LTBP3: variants seen among roughly 807,000 people sequenced by gnomAD.
LTBP3 encodes the protein latent-transforming growth factor beta-binding protein 3.
Under a neutral mutation model 159.7 loss-of-function variants are expected in LTBP3, and 97 were observed. The ratio of observed to expected loss-of-function variants is 0.61; its 90% confidence interval spans 0.52 to 0.72. The LOEUF is 0.72. Ranked by LOEUF, LTBP3 falls within the 30% of genes least tolerant of loss-of-function variation. The probability of loss-of-function intolerance (pLI) is 0.00; values close to 1 mark genes in which losing one functional copy is unlikely to be tolerated. For synonymous variants in LTBP3, 824 were observed against 777.1 expected (o/e 1.06, Z -1.00); for missense variants, 1,584 against 1,864.3 (o/e 0.85, Z 2.77).
rs748295424 is a variant in LTBP3, at chr11:65,538,652, G to C, written c.*428C>G. The C allele has an allele frequency of 6.9e-6, 10 of 1,454,680 alleles. No individual in the cohort carries two copies. Among genetic ancestry groups the C allele is most frequent in the Admixed American group, 2.1e-5 (1 of 47,092 alleles). The allele number at this position is 1,454,680 out of a possible 1,614,324, so 90.1% of individuals were successfully genotyped here. A position where few individuals can be genotyped will look rare whatever the true frequency, so the allele number is the denominator to read the frequency against. The stretch of plus-strand genomic sequence containing the variant: ...AAACCATGTGAGCCCGGCCGGCCCA[G>C]CCAGGCCATCTCACGTGTACATAAT... On this transcript the variant is annotated 3_prime_UTR_variant, in exon 28 of 28. Transcript: ENST00000301873.
At chr11:65,551,098 A>C in intron 11 of LTBP3, 28 bp downstream of exon 11, 1 of 1,539,104 alleles carries the variant, frequency 6.5e-7, no homozygotes, top group Admixed American at 2.0e-5. Context: ...TGGCCTAGGC[A>C]GGGGTGGCTT....
At chr11:65,548,144 G>A in intron 11 of LTBP3, 99 bp from the exon 12 acceptor site, 7 of 1,567,550 alleles carry the variant, frequency 4.5e-6, no homozygotes, top group Non-Finnish European at 6.1e-6. Flanking sequence ...CATGACCTCA[G>A]GTTCCTGTAC....
At chr11:65,556,226 A>G (rs937620827) in intron 1 of LTBP3, among the ~76,000 whole-genome samples, 1 of 152,200 alleles carries the variant, frequency 6.6e-6, no homozygotes, top group African/African-American at 2.4e-5. Flanking sequence ...ACAGGTTCAC[A>G]TAAACATTCC....
In LTBP3 at chr11:65,553,027, G is replaced by A; in HGVS notation, c.1064-45C>T. On this transcript the variant is annotated intron_variant, in intron 5 of 27. Coordinates refer to ENST00000301873, the MANE Select transcript of LTBP3 (RefSeq NM_001130144.3). The surrounding 1 kb of genome is among the most constrained non-coding windows in gnomAD (Gnocchi z 6.5). ...GGCCCCTCTGGTCTGGGGCCATGGG[G>A]TGACAGCAGGCTGCTCCAAGAACCT... is the stretch of plus-strand genomic sequence containing the variant. 1 of 1,613,978 alleles carries A rather than the reference G, an allele frequency of 6.2e-7. No individual in the cohort carries two copies. The highest frequency in any genetic ancestry group is 8.5e-7 in the Non-Finnish European group (1 of 1,179,890).
At position 65,547,417 on chromosome 11, in the gene LTBP3, G is replaced by GCAAAGAAGGA. The variant is rs756629842; in HGVS notation, c.2107+21_2107+22insTCCTTCTTTG. The GCAAAGAAGGA allele has an allele frequency of 3.7e-6, 6 of 1,611,592 alleles. No individual in the cohort carries two copies. The highest frequency in any genetic ancestry group is 3.3e-5 in the Admixed American group (2 of 59,994). On this transcript the variant is annotated intron_variant, in intron 14 of 27. Transcript: ENST00000301873. The surrounding 1 kb of genome is among the most constrained non-coding windows in gnomAD (Gnocchi z 4.6). Reference sequence around the variant, plus strand: ...GAGACAGCTAAGGAGCTCCTTCTTTGGTCTGAATGGGGTCCCCTCACCTTC... The same window carrying GCAAAGAAGGA: ...GAGACAGCTAAGGAGCTCCTTCTTTGCAAAGAAGGAGTCTGAATGGGGTCCCCTCACCTTC...
Position 65,540,417 on chromosome 11 carries a change from GC to G in LTBP3, c.3107-36del, listed in dbSNP as rs763159932. ...GGAAAAGCGTGGGTAGCAGGGGCAG[GC>G]CCGGGATGGGCGCGGTGGCGCGTGT... On this transcript the variant is annotated intron_variant, in intron 22 of 27. Coordinates refer to ENST00000301873, the MANE Select transcript of LTBP3 (RefSeq NM_001130144.3). 3 of 1,607,642 alleles carry G rather than the reference GC, an allele frequency of 1.9e-6. No individual in the cohort carries two copies. The South Asian group carries it at 3.3e-5, about 18-fold the overall frequency.
At position 65,554,422 on chromosome 11, in the gene LTBP3, C is replaced by T; in HGVS notation, c.332-42G>A. 6.6e-7 allele frequency: 1 copy of T among 1,509,016 alleles called. No homozygotes were observed. Among genetic ancestry groups the T allele is most frequent in the South Asian group, 1.2e-5 (1 of 85,006 alleles). The allele number at this position is 1,509,016 out of a possible 1,614,324, so 93.5% of individuals were successfully genotyped here. A position where few individuals can be genotyped will look rare whatever the true frequency, so the allele number is the denominator to read the frequency against. On this transcript the variant is annotated intron_variant, in intron 1 of 27. Coordinates refer to ENST00000301873, the MANE Select transcript of LTBP3 (RefSeq NM_001130144.3). This position sits in a 1 kb window ranked among gnomAD's most constrained non-coding sequence, Gnocchi z 5.3. ...GGTCAGGCCCTCACCCACATCCTGT[C>T]TCTTTCCCCTCCTCCCTACTTCCTT...
Position 65,547,598 on chromosome 11 carries a change from T to C in LTBP3, c.1979-31A>G. On this transcript the variant is annotated intron_variant, in intron 13 of 27. Transcript: ENST00000301873. The surrounding 1 kb of genome is among the most constrained non-coding windows in gnomAD (Gnocchi z 4.6). ...CGGGAGGAAGGGGCCACGAAGGGGG[T>C]GTAGGAGGCGGCGGGCAAGGGGAGG... The C allele has an allele frequency of 6.2e-7, 1 of 1,611,690 alleles. No homozygotes were observed. Among genetic ancestry groups the C allele is most frequent in the East Asian group, 2.2e-5 (1 of 44,780 alleles).
In LTBP3 at chr11:65,551,973, T is replaced by C; in HGVS notation, c.1530A>G (p.Arg510=). 6 of 1,613,910 alleles carry C rather than the reference T, an allele frequency of 3.7e-6. No individual in the cohort carries two copies. Among genetic ancestry groups the C allele is most frequent in the Non-Finnish European group, 5.1e-6 (6 of 1,179,958 alleles). ...APPPEDTEEE[R]GVTTDSPVSE... is the part of the protein sequence containing the mutation. ...GGATCAGAAGGGGTCAGGCTAGACC[T>C]CTCTCTTCCTCTGTGTCCTCAGGTG... The change falls in exon 8 of 28, where the codon AGA becomes AGG. Residue 510 remains arginine (R), a splice_region_variant and synonymous_variant. Coordinates refer to ENST00000301873, the MANE Select transcript of LTBP3 (RefSeq NM_001130144.3).
At chr11:65,543,030 G>A (rs1856221379) in intron 18 of LTBP3, 75 bp downstream of exon 18, 1 of 1,594,508 alleles carries the variant, frequency 6.3e-7, no homozygotes, top group Non-Finnish European at 8.5e-7. Context: ...GATGGATGGA[G>A]AAAGGCCACA....
chr11:65,555,981 G>A (rs1053450798), intron 1 of LTBP3, among the ~76,000 whole-genome samples: 1 of 152,172 alleles, frequency 6.6e-6, no homozygotes, highest in Non-Finnish European at 1.5e-5. Flanking sequence ...CCTGGGCGGG[G>A]GGAGGTAGGA....
chr11:65,541,624 T>G lies in LTBP3; in HGVS notation c.2701A>C (p.Thr901Pro). The G allele has an allele frequency of 1.2e-6, 2 of 1,614,078 alleles. No individual in the cohort carries two copies. Among genetic ancestry groups the G allele is most frequent in the Non-Finnish European group, 1.7e-6 (2 of 1,179,988 alleles). Residue 901 changes from threonine (T) to proline (P), a missense_variant, in exon 19 of 28, where the codon ACC (threonine) becomes CCC (proline). Physicochemically the swap from Thr to Pro is conservative, Grantham distance 38. Coordinates refer to ENST00000301873, the MANE Select transcript of LTBP3 (RefSeq NM_001130144.3). Reference sequence around the variant, plus strand: ...CCCTCACAACCGTGCTGGTCCTGGGTGGGAGTGAAGCCCTCATCGCAGACA... The same window carrying G: ...CCCTCACAACCGTGCTGGTCCTGGGGGGGAGTGAAGCCCTCATCGCAGACA... ...VCVCDEGFTP[T>P]QDQHGCEEVE...
chr11:65,548,206 A>G (rs749601202), intron 11 of LTBP3, 161 bp from the exon 12 acceptor site: 53 of 1,036,774 alleles, frequency 5.1e-5, no homozygotes, highest in Middle Eastern at 3.0e-4. Context: ...GATAACCCCA[A>G]TATCAAGACC....
chr11:65,558,104 G>A lies in LTBP3; in HGVS notation c.-145C>T. On this transcript the variant is annotated 5_prime_UTR_variant, in exon 1 of 28. Coordinates refer to ENST00000301873, the MANE Select transcript of LTBP3 (RefSeq NM_001130144.3). ...CGGGGGAAGCGGGCGGGAGGGGACCGCGGGGGCCCGGCGGGAGGCGCGGAG... is the reference window on the plus strand; with the variant it reads ...CGGGGGAAGCGGGCGGGAGGGGACCACGGGGGCCCGGCGGGAGGCGCGGAG... 1 of 1,077,558 alleles carries A rather than the reference G, an allele frequency of 9.3e-7. No homozygotes were observed. The allele number at this position is 1,077,558 out of a possible 1,614,324, so 66.7% of individuals were successfully genotyped here. A position where few individuals can be genotyped will look rare whatever the true frequency, so the allele number is the denominator to read the frequency against.
chr11:65,556,684 G>A (rs543107731), intron 1 of LTBP3, among the ~76,000 whole-genome samples: 21 of 152,300 alleles, frequency 1.4e-4, no homozygotes, highest in African/African-American at 4.8e-4. Context: ...ACACACGCAC[G>A]CACACCCCAT....
Position 65,557,696 on chromosome 11 carries a change from G to T in LTBP3, c.264C>A (p.Ser88=). 1 of 1,610,630 alleles carries T rather than the reference G, an allele frequency of 6.2e-7. No individual in the cohort carries two copies. The part of the protein sequence containing the change: ...GQCRDSCQQG[S]NMTLIGENGH... Reference sequence around the variant, plus strand: ...CGTTCTCTCCGATGAGCGTCATGTTGGAGCCCTGCTGACAACTGTCCCGAC... The same window carrying T: ...CGTTCTCTCCGATGAGCGTCATGTTTGAGCCCTGCTGACAACTGTCCCGAC... The change falls in exon 1 of 28, where the codon TCC becomes TCA. Residue 88 remains serine, a synonymous_variant. Coordinates refer to ENST00000301873, the MANE Select transcript of LTBP3 (RefSeq NM_001130144.3).
chr11:65,543,354 G>C, intron 17 of LTBP3, 73 bp downstream of exon 17: 1 of 1,611,840 alleles, frequency 6.2e-7, no homozygotes. Flanking sequence ...TCTGGATTAG[G>C]ACTGGACCCT....
At position 65,554,024 on chromosome 11, in the gene LTBP3, T is replaced by C; in HGVS notation, c.661+27A>G. 2 of 1,598,448 alleles carry C rather than the reference T, an allele frequency of 1.3e-6. No individual in the cohort carries two copies. The highest frequency in any genetic ancestry group is 1.7e-6 in the Non-Finnish European group (2 of 1,178,616). On this transcript the variant is annotated intron_variant, in intron 2 of 27. Coordinates refer to ENST00000301873, the MANE Select transcript of LTBP3 (RefSeq NM_001130144.3). The surrounding 1 kb of genome is among the most constrained non-coding windows in gnomAD (Gnocchi z 5.3). The stretch of plus-strand genomic sequence containing the variant: ...CCCTAGTGCCCACCCACTGGCGACC[T>C]TCCCGGGTTTGCCAGTTGCCTGGTA...
At chr11:65,555,679 G>A (rs2135163164) in intron 1 of LTBP3, among the ~76,000 whole-genome samples, 1 of 152,320 alleles carries the variant, frequency 6.6e-6, no homozygotes, top group African/African-American at 2.4e-5. Flanking sequence ...TGAGGGAGAG[G>A]ATGGGACCTC....
Sources: gnomAD v4.1 joint callset for allele counts (sites outside exome capture counted in the v4.1 genomes callset) on GRCh38, gnomAD v4.1.1 for gene constraint, Gnocchi (gnomAD v3.1) non-coding constraint, MANE v1.5 for transcripts, NCBI Gene and HGNC (gene_info 2026-07-23, HGNC 2026-07-21) for gene names.